MED12L: variants seen among roughly 807,000 people sequenced by gnomAD.
MED12L encodes the protein mediator complex subunit 12L.
A neutral mutation model predicts 281.3 loss-of-function variants in MED12L; 60 were observed. That is an observed-to-expected ratio of 0.21 (90% confidence interval 0.17 to 0.26). The LOEUF is 0.26. MED12L is among the 10% of genes least tolerant of loss of function. MED12L has a pLI of 1.00. For missense variants in MED12L, 2,146 were observed against 2,680.9 expected (o/e 0.80, Z 4.41); for synonymous variants, 974 against 987.2 (o/e 0.99, Z 0.25).
intron 11 of MED12L, among the ~76,000 whole-genome samples, chr3:151,172,133 A>G (rs1207773602): frequency 2.0e-5 from 3 of 152,162 alleles, no homozygotes; most frequent in Non-Finnish European, 2.9e-5. Flanking sequence ...ACGTGCAGGT[A>G]GAGGTAGGGG....
intron 16 of MED12L, among the ~76,000 whole-genome samples, chr3:151,209,095 G>A (rs1344951601): frequency 3.3e-5 from 5 of 152,160 alleles, no homozygotes; most frequent in Non-Finnish European, 7.4e-5. Context: ...CCTTCAAAAA[G>A]TAACAAGTAG....
intron 41 of MED12L, 119 bp downstream of exon 41, chr3:151,411,626 A>C: frequency 1.1e-6 from 1 of 885,680 alleles, no homozygotes; most frequent in East Asian, 2.6e-5. Context: ...TTTGCAGATA[A>C]TTTGCATTCT....
intron 2 of MED12L, among the ~76,000 whole-genome samples, chr3:151,107,851 C>T (rs983759635): frequency 2.0e-5 from 3 of 152,096 alleles, no homozygotes; most frequent in Non-Finnish European, 4.4e-5. Flanking sequence ...TAGTCTCAAT[C>T]GTAGGTAAGC....
intron 11 of MED12L, among the ~76,000 whole-genome samples, chr3:151,181,646 C>T (rs1026817206): frequency 7.3e-6 from 1 of 137,500 alleles, no homozygotes; most frequent in Non-Finnish European, 1.5e-5. Context: ...AGTGCAGAGG[C>T]ATCATCTTGG....
chr3:151,414,347 A>G (rs1395627882), intron 42 of MED12L, among the ~76,000 whole-genome samples: 3 of 152,240 alleles, frequency 2.0e-5, no homozygotes, highest in African/African-American at 7.2e-5. Context: ...TATACTACCA[A>G]GAACAGAACA....
chr3:151,110,999 A>G (rs917408702), intron 2 of MED12L, among the ~76,000 whole-genome samples: 2 of 152,130 alleles, frequency 1.3e-5, no homozygotes, highest in African/African-American at 4.8e-5. Flanking sequence ...TATCAGCATC[A>G]CCTGGGAAGT....
intron 25 of MED12L, among the ~76,000 whole-genome samples, chr3:151,368,677 GTCATT>G (rs1755710787): frequency 1.0e-5 from 1 of 95,384 alleles, no homozygotes; most frequent in Non-Finnish European, 2.2e-5. Flanking sequence ...TTCATTTCAT[GTCATT>G]TCATTTTATT....
intron 2 of MED12L, among the ~76,000 whole-genome samples, chr3:151,097,395 G>A (rs1720851263): frequency 6.6e-6 from 1 of 152,164 alleles, no homozygotes; most frequent in Non-Finnish European, 1.5e-5. Context: ...CAGTCATTCA[G>A]CAAATGACTG....
chr3:151,390,703 A>G (rs1187436696), intron 38 of MED12L, among the ~76,000 whole-genome samples: 1 of 152,204 alleles, frequency 6.6e-6, no homozygotes, highest in Non-Finnish European at 1.5e-5. Flanking sequence ...GAAACATTGC[A>G]TGTTTTAGCA....
chr3:151,373,713 G>GA (rs1408229730), intron 27 of MED12L, among the ~76,000 whole-genome samples: 15 of 152,104 alleles, frequency 9.9e-5, no homozygotes, highest in Non-Finnish European at 1.9e-4. Context: ...GACTGTCCCA[G>GA]ATTTGTGCAG....
intron 16 of MED12L, among the ~76,000 whole-genome samples, chr3:151,247,650 T>C (rs1390691348): frequency 2.1e-5 from 3 of 144,126 alleles, no homozygotes; most frequent in Non-Finnish European, 4.6e-5. Flanking sequence ...TTGGGAGATG[T>C]ACCTAATGCT....
intron 16 of MED12L, among the ~76,000 whole-genome samples, chr3:151,279,808 G>T (rs933939559): frequency 2.0e-5 from 3 of 152,206 alleles, no homozygotes; most frequent in African/African-American, 7.2e-5. Context: ...GGCAGGAACC[G>T]TATCTCTAAG....
intron 39 of MED12L, among the ~76,000 whole-genome samples, chr3:151,396,062 T>C (rs1714925199): frequency 1.3e-5 from 2 of 152,188 alleles, no homozygotes; most frequent in Non-Finnish European, 2.9e-5. Context: ...ATTAATTGCT[T>C]TAGCTCCCTG....
At chr3:151,428,817 A>G (rs1719143113) in intron 43 of MED12L, among the ~76,000 whole-genome samples, 1 of 152,238 alleles carries the variant, frequency 6.6e-6, no homozygotes, top group Non-Finnish European at 1.5e-5. Flanking sequence ...TGCATGGGAT[A>G]TACTTGTACT....
chr3:151,281,665 A>G (rs549404344), intron 16 of MED12L, among the ~76,000 whole-genome samples: 5 of 152,274 alleles, frequency 3.3e-5, no homozygotes, highest in African/African-American at 1.2e-4. Context: ...CCTTTGGTGG[A>G]ATCCTAAGAT....
At chr3:151,372,164 G>T (rs1560092134) in intron 26 of MED12L, among the ~76,000 whole-genome samples, 1 of 152,162 alleles carries the variant, frequency 6.6e-6, no homozygotes, top group Non-Finnish European at 1.5e-5. Context: ...TGTAAGAGAA[G>T]AAATGGAAAA....
intron 16 of MED12L, among the ~76,000 whole-genome samples, chr3:151,236,449 T>G (rs113902291): frequency 5.3e-5 from 8 of 152,326 alleles, no homozygotes; most frequent in African/African-American, 1.9e-4. Flanking sequence ...TTTACAGATT[T>G]ATTTTGTTAT....
chr3:151,129,230 G>T (rs761804021), intron 5 of MED12L, among the ~76,000 whole-genome samples: 1 of 152,294 alleles, frequency 6.6e-6, no homozygotes, highest in East Asian at 1.9e-4. Flanking sequence ...GTGGGGAGTG[G>T]TGTGATTGGA....
At chr3:151,415,631 G>A (rs1211287583) in intron 42 of MED12L, among the ~76,000 whole-genome samples, 1 of 152,230 alleles carries the variant, frequency 6.6e-6, no homozygotes, top group African/African-American at 2.4e-5. Context: ...TCAGGATGAA[G>A]TGTTTGGGTG....
Sources: allele counts gnomAD v4.1 joint callset (sites outside exome capture counted in the v4.1 genomes callset), GRCh38; gene constraint gnomAD v4.1.1; transcripts MANE v1.5; gene names NCBI Gene and HGNC (gene_info 2026-07-23, HGNC 2026-07-21).